Variants in ZBTB20 observed in about 807,000 individuals in gnomAD.
The protein encoded by ZBTB20 is zinc finger and BTB domain containing 20.
Under a neutral mutation model 56.9 loss-of-function variants are expected in ZBTB20, and 9 were observed. The observed-to-expected ratio is 0.16, with a 90% CI of 0.10 to 0.28. The LOEUF is 0.28. ZBTB20 is among the 10% of genes least tolerant of loss of function. ZBTB20 has a pLI of 1.00. For missense variants in ZBTB20, 655 were observed against 1,003.0 expected (o/e 0.65, Z 4.69); for synonymous variants, 417 against 420.7 (o/e 0.99, Z 0.11).
At chr3:114,906,639 A>C (rs928744054) in intron 3 of ZBTB20, among the ~76,000 whole-genome samples, 5 of 151,664 alleles carry the variant, frequency 3.3e-5, no homozygotes, top group African/African-American at 1.2e-4. Flanking sequence ...ACAAGTAGCT[A>C]TTAGCATTAT....
chr3:114,431,000 G>A (rs2090078134), intron 7 of ZBTB20, among the ~76,000 whole-genome samples: 1 of 152,184 alleles, frequency 6.6e-6, no homozygotes, highest in Admixed American at 6.5e-5. Context: ...AAAACATGGA[G>A]TTTCTCCTCG....
rs1274032312 is a variant in ZBTB20 at position 114,326,108 on chromosome 3, C to T, written c.*12897G>A. 1 of 152,142 alleles carries T rather than the reference C, an allele frequency of 6.6e-6. No individual in the cohort carries two copies. Among genetic ancestry groups the T allele is most frequent in the African/African-American group, 2.4e-5 (1 of 41,430 alleles). The allele number at this position is 152,142 out of a possible 1,614,324, so 9.4% of individuals were successfully genotyped here. A position where few individuals can be genotyped will look rare whatever the true frequency, so the allele number is the denominator to read the frequency against. On this transcript the variant is annotated 3_prime_UTR_variant, in exon 12 of 12. Coordinates refer to ENST00000675478, the MANE Select transcript of ZBTB20 (RefSeq NM_001348800.3). The stretch of plus-strand genomic sequence containing the variant: ...CTTGAAATGGCTAGAAAAGCAACAA[C>T]TACAATGATAAAAATCAACAGATCA...
At chr3:114,605,656 T>C (rs2057086190) in intron 6 of ZBTB20, among the ~76,000 whole-genome samples, 1 of 152,136 alleles carries the variant, frequency 6.6e-6, no homozygotes, top group Non-Finnish European at 1.5e-5. Context: ...CTGCTGTAAT[T>C]GACTTAAGCA....
chr3:115,002,424 T>C (rs886996743), intron 2 of ZBTB20, among the ~76,000 whole-genome samples: 1 of 151,640 alleles, frequency 6.6e-6, no homozygotes, highest in Middle Eastern at 3.4e-3. Flanking sequence ...AATCACAGAC[T>C]AGAAGAAAAT....
intron 1 of ZBTB20, among the ~76,000 whole-genome samples, chr3:115,101,597 C>T (rs1053375002): frequency 2.0e-5 from 3 of 152,116 alleles, no homozygotes; most frequent in African/African-American, 7.2e-5. Context: ...TATCTAGACA[C>T]CCACCTTCCT....
intron 2 of ZBTB20, among the ~76,000 whole-genome samples, chr3:115,067,406 A>C (rs1235043767): frequency 6.6e-6 from 1 of 152,030 alleles, no homozygotes; most frequent in Non-Finnish European, 1.5e-5. Context: ...AAAAATTTAT[A>C]TATATACACA....
intron 5 of ZBTB20, among the ~76,000 whole-genome samples, chr3:114,753,353 T>TACACGTATG (rs1216239981): frequency 1.9e-5 from 2 of 107,732 alleles, no homozygotes; most frequent in Admixed American, 1.0e-4. Context: ...TATGTATACA[T>TACACGTATG]TATATATAAT....
chr3:114,713,656 T>A (rs1034601883), intron 5 of ZBTB20, among the ~76,000 whole-genome samples: 1 of 152,150 alleles, frequency 6.6e-6, no homozygotes, highest in Non-Finnish European at 1.5e-5. Context: ...TCCAAAGAGA[T>A]TACAATGCCA....
At chr3:114,586,144 C>A (rs1043959440) in intron 6 of ZBTB20, among the ~76,000 whole-genome samples, 1 of 152,142 alleles carries the variant, frequency 6.6e-6, no homozygotes, top group African/African-American at 2.4e-5. Flanking sequence ...GGAAATGGTT[C>A]CTCCATGTTT....
chr3:115,087,188 A>G (rs1338863194), intron 1 of ZBTB20, among the ~76,000 whole-genome samples: 1 of 151,842 alleles, frequency 6.6e-6, no homozygotes, highest in African/African-American at 2.4e-5. Flanking sequence ...ATCAAAATTT[A>G]GCTTATGTTC....
chr3:114,798,334 T>TAAAAAACAAAAAAACA (rs113134634), intron 5 of ZBTB20, among the ~76,000 whole-genome samples: 1 of 68,752 alleles, frequency 1.5e-5, no homozygotes, highest in African/African-American at 2.9e-5. Flanking sequence ...GGAACAAAAT[T>TAAAAAACAAAAAAACA]AAAAAACAAA....
chr3:115,021,726 C>T (rs2080212847), intron 2 of ZBTB20, among the ~76,000 whole-genome samples: 1 of 150,654 alleles, frequency 6.6e-6, no homozygotes, highest in Non-Finnish European at 1.5e-5. Context: ...TCTACTCTCT[C>T]CCACACTCAA....
intron 7 of ZBTB20, among the ~76,000 whole-genome samples, chr3:114,461,934 C>T (rs1156587112): frequency 6.6e-6 from 1 of 152,148 alleles, no homozygotes; most frequent in Admixed American, 6.5e-5. Flanking sequence ...AGATCACCTG[C>T]TAATCTAGGT....
rs929430616 is a variant in ZBTB20, at chr3:114,534,812, A to T, written c.-294-34421T>A. ...AGTCTCTCAGACCACAGTGCAATCA[A>T]ATTAGAACTCAAGATTAAGAAACTC... On this transcript the variant is annotated intron_variant, in intron 6 of 11. Transcript: ENST00000675478. Among the ~76,000 whole-genome samples the T allele has an allele frequency of 4.6e-5, 7 of 152,308 alleles. No individual in the cohort carries two copies. In the South Asian group the frequency reaches 1.0e-3, roughly 23 times the overall value.
intron 6 of ZBTB20, among the ~76,000 whole-genome samples, chr3:114,633,116 G>A (rs1185306828): frequency 2.0e-5 from 3 of 152,158 alleles, no homozygotes; most frequent in East Asian, 3.8e-4. Context: ...AAGTATATTT[G>A]TTCTCACACT....
At chr3:114,936,881 G>T (rs1336090127) in intron 3 of ZBTB20, among the ~76,000 whole-genome samples, 1 of 152,154 alleles carries the variant, frequency 6.6e-6, no homozygotes, top group Non-Finnish European at 1.5e-5. Flanking sequence ...ATTTGGGGTA[G>T]AATCTATACA....
At chr3:114,576,315 C>T (rs1265836854) in intron 6 of ZBTB20, among the ~76,000 whole-genome samples, 1 of 151,334 alleles carries the variant, frequency 6.6e-6, no homozygotes, top group Non-Finnish European at 1.5e-5. Flanking sequence ...CTGGCTAACA[C>T]AGTGAAACCC....
chr3:114,951,965 C>T (rs1276108292), intron 3 of ZBTB20, among the ~76,000 whole-genome samples: 1 of 151,462 alleles, frequency 6.6e-6, no homozygotes, highest in Non-Finnish European at 1.5e-5. Context: ...TGGTTTCCAA[C>T]AAAATAAAGA....
chr3:115,080,654 G>A (rs916819947), intron 1 of ZBTB20, among the ~76,000 whole-genome samples: 1 of 152,118 alleles, frequency 6.6e-6, no homozygotes, highest in Non-Finnish European at 1.5e-5. Flanking sequence ...CAGTTACTGA[G>A]CAAATGGAAA....
Sources: gnomAD v4.1 joint callset for allele counts (sites outside exome capture counted in the v4.1 genomes callset) on GRCh38, gnomAD v4.1.1 for gene constraint, MANE v1.5 for transcripts, NCBI Gene and HGNC (gene_info 2026-07-23, HGNC 2026-07-21) for gene names.